OR8B2: variants seen among roughly 807,000 people sequenced by gnomAD.
OR8B2 encodes olfactory receptor family 8 subfamily B member 2.
For synonymous variants in OR8B2, 98 were observed against 138.2 expected, an observed-to-expected ratio of 0.71 and a Z score of 2.04; for missense variants, 304 against 379.6, an observed-to-expected ratio of 0.80 and a Z score of 1.65.
At chr11:124,386,995 T>G (rs1175670334), upstream of OR8B2, among the ~76,000 whole-genome samples, 176 of 152,148 alleles carry the variant, frequency 1.2e-3, no homozygotes, top group African/African-American at 4.1e-3. Flanking sequence ...GATTTGCATT[T>G]CTCTGATGGC....
the OR8B2 span, chr11:124,395,670 A>G: frequency 6.6e-6 from 1 of 152,210 alleles, no homozygotes; most frequent in Non-Finnish European, 1.5e-5. Flanking sequence ...AATGAATGAA[A>G]GTTTTATAAT....
At chr11:124,396,842 A>C in the OR8B2 span, 1 of 1,610,504 alleles carries the variant, frequency 6.2e-7, no homozygotes, top group Non-Finnish European at 8.5e-7. Flanking sequence ...TGATATTAGC[A>C]CTGCAGAAGG....
chr11:124,396,870 C>G, the OR8B2 span: 2 of 1,606,744 alleles, frequency 1.2e-6, no homozygotes, highest in African/African-American at 2.7e-5. Flanking sequence ...AAGCATGCAC[C>G]CGGTGTGGGC....
upstream of OR8B2, among the ~76,000 whole-genome samples, chr11:124,389,218 G>A (rs1389683281): frequency 6.6e-6 from 1 of 151,982 alleles, no homozygotes; most frequent in Admixed American, 6.6e-5. Flanking sequence ...AAACTAAGAG[G>A]GATAATCAAT....
the OR8B2 span, among the ~76,000 whole-genome samples, chr11:124,394,341 G>T: frequency 1.3e-5 from 2 of 152,002 alleles, no homozygotes; most frequent in Non-Finnish European, 2.9e-5. Context: ...CCCCTTAGAA[G>T]GAGATGTCAA....
the OR8B2 span, chr11:124,396,193 C>A: frequency 2.0e-6 from 1 of 512,756 alleles, no homozygotes; most frequent in South Asian, 3.1e-5. Flanking sequence ...GCATATGTTC[C>A]TTTTACAAAG....
chr11:124,396,183 G>A, the OR8B2 span: 2 of 493,360 alleles, frequency 4.1e-6, no homozygotes, highest in Non-Finnish European at 7.1e-6. Flanking sequence ...AAATATCAGT[G>A]CATATGTTCC....
chr11:124,396,678 A>T, the OR8B2 span: 7 of 1,613,684 alleles, frequency 4.3e-6, no homozygotes, highest in South Asian at 7.7e-5. Context: ...GATATGAAGA[A>T]TGCTAGTGAC....
chr11:124,390,619 T>C, the OR8B2 span, among the ~76,000 whole-genome samples: 2 of 152,232 alleles, frequency 1.3e-5, no homozygotes, highest in African/African-American at 4.8e-5. Flanking sequence ...TTTTTTGATA[T>C]ATATTTTAAG....
upstream of OR8B2, among the ~76,000 whole-genome samples, chr11:124,387,334 A>G (rs1287804459): frequency 1.6e-3 from 244 of 152,316 alleles, no homozygotes; most frequent in Middle Eastern, 0.017. Context: ...GTCCTTGCCC[A>G]TGCCTATGTC....
In OR8B2 at chr11:124,383,138, A is replaced by G. The variant is rs776362719; in HGVS notation, c.206T>C (p.Ile69Thr). 1.9e-6 allele frequency: 3 copies of G among 1,613,970 alleles called. No individual in the cohort carries two copies. Among genetic ancestry groups the G allele is most frequent in the South Asian group, 1.1e-5 (1 of 91,078 alleles). ...MYYFLFNLSF[I>T]DLCYSSVFTP... Reference sequence around the variant, plus strand: ...GAAAACAGAGGAGTAACAGAGATCAATGAAGGAGAGATTGAAGAGGAAATA... The same window carrying G: ...GAAAACAGAGGAGTAACAGAGATCAGTGAAGGAGAGATTGAAGAGGAAATA... Residue 69 changes from isoleucine to threonine, a missense_variant, in exon 2 of 2, where the codon ATT becomes ACT. Physicochemically the swap from Ile to Thr is moderately conservative, Grantham distance 89. Coordinates refer to ENST00000641451, the MANE Select transcript of OR8B2 (RefSeq NM_001005468.2).
upstream of OR8B2, among the ~76,000 whole-genome samples, chr11:124,385,246 C>T (rs1476877028): frequency 1.3e-5 from 2 of 152,098 alleles, no homozygotes; most frequent in Non-Finnish European, 2.9e-5. Context: ...AGTATGACTT[C>T]AGAATTTCCC....
At chr11:124,386,324 G>A (rs1199005943), upstream of OR8B2, among the ~76,000 whole-genome samples, 2 of 148,448 alleles carry the variant, frequency 1.3e-5, no homozygotes, top group Non-Finnish European at 3.0e-5. Flanking sequence ...AGTTACATAT[G>A]TATACATGTG....
At chr11:124,387,580 G>A (rs369819247), upstream of OR8B2, among the ~76,000 whole-genome samples, 12 of 150,448 alleles carry the variant, frequency 8.0e-5, no homozygotes, top group South Asian at 1.1e-3. Flanking sequence ...GATATGTGGC[G>A]TTATTTCTGA....
the OR8B2 span, among the ~76,000 whole-genome samples, chr11:124,394,748 T>G: frequency 6.6e-6 from 1 of 152,306 alleles, no homozygotes; most frequent in Non-Finnish European, 1.5e-5. Flanking sequence ...CCGATGGGTC[T>G]CTTCATGGGG....
At chr11:124,396,355 C>A in the OR8B2 span, 21 of 1,428,166 alleles carry the variant, frequency 1.5e-5, no homozygotes, top group African/African-American at 1.6e-4. Flanking sequence ...CTTCATGGAA[C>A]ACACTAATAA....
At chr11:124,389,761 A>G in the OR8B2 span, among the ~76,000 whole-genome samples, 1 of 152,178 alleles carries the variant, frequency 6.6e-6, no homozygotes, top group East Asian at 1.9e-4. Context: ...TTTATAGTCT[A>G]TGACATGGAC....
chr11:124,390,671 A>C, the OR8B2 span, among the ~76,000 whole-genome samples: 1 of 152,274 alleles, frequency 6.6e-6, no homozygotes, highest in Non-Finnish European at 1.5e-5. Flanking sequence ...ACTTTATTGA[A>C]TATATAGTTA....
chr11:124,390,942 G>C, the OR8B2 span, among the ~76,000 whole-genome samples: 3 of 152,024 alleles, frequency 2.0e-5, no homozygotes, highest in African/African-American at 7.2e-5. Flanking sequence ...TCAAGGTTTG[G>C]TGTTTTCCTT....
Sources: gnomAD v4.1 joint callset for allele counts (sites outside exome capture counted in the v4.1 genomes callset) on GRCh38, gnomAD v4.1.1 for gene constraint, MANE v1.5 for transcripts, NCBI Gene and HGNC (gene_info 2026-07-23, HGNC 2026-07-21) for gene names.